FRYL: variants seen among roughly 807,000 people sequenced by gnomAD.
The protein encoded by FRYL is FRY like transcription coactivator, also known as protein furry homolog-like.
FRYL carries 150 observed loss-of-function variants against 351.2 expected under a neutral mutation model. That is an observed-to-expected ratio of 0.43 (90% CI 0.37 to 0.49). FRYL has a LOEUF of 0.49. Among genes scored for constraint, FRYL ranks in the 20% least tolerant of loss-of-function variants. The pLI is 0.00. For missense variants in FRYL, 3,036 were observed against 3,619.3 expected, an observed-to-expected ratio of 0.84 and a Z score of 4.13; for synonymous variants, 1,153 against 1,257.1, an observed-to-expected ratio of 0.92 and a Z score of 1.75.
chr4:48,760,608 G>C (rs1373009545), intron 1 of FRYL, among the ~76,000 whole-genome samples: 2 of 151,996 alleles, frequency 1.3e-5, no homozygotes, highest in Non-Finnish European at 2.9e-5. Flanking sequence ...GAATAACCTT[G>C]TCTTGTTCTT....
intron 4 of FRYL, among the ~76,000 whole-genome samples, chr4:48,623,919 T>C (rs1005143036): frequency 4.0e-4 from 61 of 152,276 alleles, no homozygotes; most frequent in African/African-American, 1.3e-3. Flanking sequence ...ATTCTGTATG[T>C]ATATGTAAAA....
chr4:48,514,158 T>C (rs1723050934), intron 56 of FRYL, among the ~76,000 whole-genome samples: 1 of 152,164 alleles, frequency 6.6e-6, no homozygotes, highest in South Asian at 2.1e-4. Flanking sequence ...ATTTTTATTG[T>C]AAAAGTAAAA....
intron 19 of FRYL, among the ~76,000 whole-genome samples, chr4:48,583,182 C>T (rs1418704518): frequency 4.0e-5 from 6 of 151,014 alleles, no homozygotes; most frequent in African/African-American, 7.3e-5. Flanking sequence ...GACAGAATCT[C>T]GCTCTGTCAC....
intron 3 of FRYL, among the ~76,000 whole-genome samples, chr4:48,684,130 C>T (rs1272364096): frequency 3.3e-5 from 5 of 152,130 alleles, no homozygotes; most frequent in Non-Finnish European, 5.9e-5. Context: ...TAGAAGATCC[C>T]ACAGATTTTT....
intron 2 of FRYL, among the ~76,000 whole-genome samples, chr4:48,703,644 G>A (rs1298717162): frequency 1.3e-5 from 2 of 152,166 alleles, no homozygotes; most frequent in Non-Finnish European, 2.9e-5. Context: ...CTTAGCTTAA[G>A]TGTCATTTTC....
At chr4:48,576,896 A>C (rs1316608581) in intron 23 of FRYL, among the ~76,000 whole-genome samples, 1 of 152,226 alleles carries the variant, frequency 6.6e-6, no homozygotes, top group African/African-American at 2.4e-5. Flanking sequence ...CTATAAGTGC[A>C]TGAATACATC....
chr4:48,509,430 T>C (rs769345943), intron 59 of FRYL, among the ~76,000 whole-genome samples: 1 of 152,214 alleles, frequency 6.6e-6, no homozygotes, highest in Non-Finnish European at 1.5e-5. Flanking sequence ...CATAGGTCTA[T>C]ACATGTCACA....
chr4:48,751,120 A>G (rs1354340025), intron 1 of FRYL, among the ~76,000 whole-genome samples: 1 of 152,220 alleles, frequency 6.6e-6, no homozygotes, highest in Non-Finnish European at 1.5e-5. Context: ...GGCCAAGGGT[A>G]TTAGATGGAC....
At chr4:48,534,798 T>A (rs1728507425) in intron 48 of FRYL, 113 bp from the exon 49 acceptor site, 2 of 617,662 alleles carry the variant, frequency 3.2e-6, no homozygotes, top group Non-Finnish European at 5.4e-6. Flanking sequence ...GAGTTTATAG[T>A]TATGTGGATT....
chr4:48,753,234 A>G (rs1469939918), intron 1 of FRYL, among the ~76,000 whole-genome samples: 1 of 152,178 alleles, frequency 6.6e-6, no homozygotes, highest in Non-Finnish European at 1.5e-5. Flanking sequence ...GTATTTACAT[A>G]AAAAATTTAG....
chr4:48,572,017 A>C, intron 26 of FRYL: 2 of 983,646 alleles, frequency 2.0e-6, no homozygotes, highest in Non-Finnish European at 2.4e-6. Context: ...TCAATGACAA[A>C]ATAGGAATAC....
chr4:48,638,125 C>A (rs1238083789), intron 3 of FRYL: 1 of 151,848 alleles, frequency 6.6e-6, no homozygotes, highest in African/African-American at 2.4e-5. Flanking sequence ...TTCCTCACCC[C>A]CAGAGGTCTT....
intron 3 of FRYL, among the ~76,000 whole-genome samples, chr4:48,665,323 G>A (rs1761514545): frequency 6.6e-6 from 1 of 152,060 alleles, no homozygotes; most frequent in African/African-American, 2.4e-5. Context: ...ATCAAATTTG[G>A]CACAGTGCTA....
intron 60 of FRYL, chr4:48,505,239 A>C (rs2148720918): frequency 3.0e-6 from 1 of 330,806 alleles, no homozygotes; most frequent in South Asian, 4.3e-5. Flanking sequence ...ACATGGGACA[A>C]ATTTTTCTTT....
At chr4:48,596,066 C>G in intron 13 of FRYL, 66 bp from the exon 14 acceptor site, 2 of 1,046,930 alleles carry the variant, frequency 1.9e-6, no homozygotes, top group Non-Finnish European at 2.8e-6. Context: ...CAAACATATT[C>G]TCTGTCAACA....
intron 3 of FRYL, among the ~76,000 whole-genome samples, chr4:48,670,341 G>A (rs563471914): frequency 6.2e-4 from 95 of 152,006 alleles, no homozygotes; most frequent in African/African-American, 1.9e-3. Flanking sequence ...GCTGAGGCAG[G>A]AAGACTGCTT....
chr4:48,534,471 GC>G, intron 49 of FRYL, 73 bp downstream of exon 49: 1 of 1,134,116 alleles, frequency 8.8e-7, no homozygotes. Flanking sequence ...GACATTTAAG[GC>G]ATTTCCAATA....
chr4:48,618,154 C>G (rs1233203627), intron 7 of FRYL: 1 of 152,138 alleles, frequency 6.6e-6, no homozygotes, highest in African/African-American at 2.4e-5. Context: ...TAGCACAACT[C>G]CCAGAGGAGA....
intron 19 of FRYL, among the ~76,000 whole-genome samples, chr4:48,583,111 TAATC>T (rs1741268884): frequency 6.6e-6 from 1 of 152,148 alleles, no homozygotes; most frequent in Non-Finnish European, 1.5e-5. Flanking sequence ...CACATTTATT[TAATC>T]TTTACTATCA....
Sources: gnomAD v4.1 joint callset for allele counts (sites outside exome capture counted in the v4.1 genomes callset) on GRCh38, gnomAD v4.1.1 for gene constraint, MANE v1.5 for transcripts, NCBI Gene and HGNC (gene_info 2026-07-23, HGNC 2026-07-21) for gene names.